DLG2: variants seen among roughly 807,000 people sequenced by gnomAD.
The protein encoded by DLG2 is disks large homolog 2.
Under a neutral mutation model 132.5 loss-of-function variants are expected in DLG2, and 45 were observed. The ratio of observed to expected loss-of-function variants is 0.34; its 90% CI spans 0.27 to 0.44. The LOEUF is 0.44. Ranked by LOEUF, DLG2 falls within the 20% of genes least tolerant of loss-of-function variation. DLG2 has a pLI of 1.00. For synonymous variants in DLG2, 424 were observed against 419.6 expected, an observed-to-expected ratio of 1.01 and a Z score of -0.13; for missense variants, 1,045 against 1,196.9, an observed-to-expected ratio of 0.87 and a Z score of 1.87.
At chr11:84,812,477 T>C (rs531653049) in intron 6 of DLG2, among the ~76,000 whole-genome samples, 7 of 152,270 alleles carry the variant, frequency 4.6e-5, no homozygotes, top group African/African-American at 1.4e-4. Context: ...ATGCACAGAT[T>C]GCACTGTTCA....
intron 6 of DLG2, among the ~76,000 whole-genome samples, chr11:84,989,507 T>C (rs1427068588): frequency 6.6e-6 from 1 of 152,142 alleles, no homozygotes; most frequent in Non-Finnish European, 1.5e-5. Flanking sequence ...AGGTATACCA[T>C]TCCATGGATT....
chr11:85,601,717 C>A (rs2080175558), intron 2 of DLG2, among the ~76,000 whole-genome samples: 1 of 152,176 alleles, frequency 6.6e-6, no homozygotes, highest in Non-Finnish European at 1.5e-5. Flanking sequence ...CTGACATGAG[C>A]CGTCTCCAGC....
At chr11:83,849,475 A>C (rs2059256425) in intron 16 of DLG2, among the ~76,000 whole-genome samples, 1 of 151,910 alleles carries the variant, frequency 6.6e-6, no homozygotes, top group South Asian at 2.1e-4. Flanking sequence ...CTAGAGGAAG[A>C]AATAAGACAT....
At chr11:85,502,802 GA>G (rs1310822950) in intron 3 of DLG2, among the ~76,000 whole-genome samples, 1 of 152,064 alleles carries the variant, frequency 6.6e-6, no homozygotes, top group Non-Finnish European at 1.5e-5. Flanking sequence ...ATGTATTCCA[GA>G]AGTTAAAGTA....
chr11:83,590,395 A>G (rs1236691099), intron 19 of DLG2, among the ~76,000 whole-genome samples: 23 of 152,166 alleles, frequency 1.5e-4, no homozygotes, highest in East Asian at 9.7e-4. Context: ...TGACTACTGG[A>G]TACATAACGA....
At chr11:84,549,785 G>C (rs751216826) in intron 6 of DLG2, among the ~76,000 whole-genome samples, 1 of 151,736 alleles carries the variant, frequency 6.6e-6, no homozygotes, top group African/African-American at 2.4e-5. Context: ...ATGGAGTCTC[G>C]CTCTGTCACC....
intron 12 of DLG2, among the ~76,000 whole-genome samples, chr11:83,974,460 G>T (rs1243307318): frequency 9.7e-4 from 5 of 5,138 alleles, no homozygotes; most frequent in Admixed American, 2.3e-3. Flanking sequence ...CTAGTTTTAG[G>T]TGTTTTGTTA....
intron 6 of DLG2, among the ~76,000 whole-genome samples, chr11:84,568,404 G>T (rs748989088): frequency 6.6e-6 from 1 of 152,202 alleles, no homozygotes; most frequent in Non-Finnish European, 1.5e-5. Flanking sequence ...CTACTTGGGA[G>T]GCTGAGGCAT....
chr11:85,325,376 G>A (rs2081389980), intron 3 of DLG2, among the ~76,000 whole-genome samples: 1 of 149,974 alleles, frequency 6.7e-6, no homozygotes, highest in Admixed American at 6.6e-5. Context: ...GTCCCTGTCT[G>A]ACAGCTTTGA....
chr11:84,642,245 A>G (rs940491374), intron 6 of DLG2, among the ~76,000 whole-genome samples: 2 of 151,334 alleles, frequency 1.3e-5, no homozygotes, highest in African/African-American at 4.9e-5. Context: ...ATGACTTTCA[A>G]ACTTAGAGTA....
chr11:84,588,916 T>G (rs2099536220), intron 6 of DLG2, among the ~76,000 whole-genome samples: 1 of 152,186 alleles, frequency 6.6e-6, no homozygotes. Context: ...CGCCCTGAAT[T>G]CTTTCTTGCC....
chr11:85,503,980 C>A (rs1025238586), intron 3 of DLG2, among the ~76,000 whole-genome samples: 3 of 152,080 alleles, frequency 2.0e-5, no homozygotes, highest in Non-Finnish European at 2.9e-5. Context: ...AGCATTTTGT[C>A]ATGTGTCTGT....
At chr11:84,486,964 G>C (rs1208370911) in intron 7 of DLG2, among the ~76,000 whole-genome samples, 2 of 152,084 alleles carry the variant, frequency 1.3e-5, no homozygotes, top group Non-Finnish European at 1.5e-5. Context: ...ACTCTGACCT[G>C]AGAAGGCCAA....
chr11:83,555,346 A>G (rs535956463), intron 19 of DLG2, among the ~76,000 whole-genome samples: 22 of 152,350 alleles, frequency 1.4e-4, no homozygotes, highest in African/African-American at 5.3e-4. Flanking sequence ...ATGTGAGATG[A>G]TCAGATTTAC....
intron 6 of DLG2, among the ~76,000 whole-genome samples, chr11:84,652,946 T>C (rs1042516313): frequency 1.3e-5 from 2 of 151,726 alleles, no homozygotes; most frequent in African/African-American, 4.8e-5. Flanking sequence ...TTTTTTTTTT[T>C]TTTTAGATGG....
chr11:84,757,478 C>T (rs1475894290), intron 6 of DLG2, among the ~76,000 whole-genome samples: 2 of 152,044 alleles, frequency 1.3e-5, no homozygotes, highest in African/African-American at 2.4e-5. Flanking sequence ...GACAGATAAT[C>T]GCTTAAGCCC....
intron 10 of DLG2, among the ~76,000 whole-genome samples, chr11:84,094,345 T>C (rs968742259): frequency 2.0e-5 from 3 of 152,162 alleles, no homozygotes; most frequent in African/African-American, 7.2e-5. Context: ...TCTTTATTAT[T>C]AGGATTATTA....
In DLG2 at chr11:84,445,789, G is replaced by A. The variant is rs561849181; in HGVS notation, c.519+88781C>T. 6.6e-5 allele frequency among the ~76,000 whole-genome samples: 10 copies of A among 151,782 alleles called. No individual in the cohort carries two copies. The South Asian group carries it at 1.3e-3, about 19-fold the overall frequency. Reference sequence around the variant, plus strand: ...AAATTAGCCGGGTGTGGTAGCGGGCGCCTGTAGTCCCAGCTGCTCGGGAGG... The same window carrying A: ...AAATTAGCCGGGTGTGGTAGCGGGCACCTGTAGTCCCAGCTGCTCGGGAGG... On this transcript the variant is annotated intron_variant, in intron 7 of 27. Transcript: ENST00000376104.
intron 8 of DLG2, among the ~76,000 whole-genome samples, chr11:84,178,046 C>G (rs2096017294): frequency 6.6e-6 from 1 of 151,952 alleles, no homozygotes; most frequent in Non-Finnish European, 1.5e-5. Context: ...ACTGTGAGAG[C>G]CTGTGTTATT....
Sources: allele counts gnomAD v4.1 joint callset (sites outside exome capture counted in the v4.1 genomes callset), GRCh38; gene constraint gnomAD v4.1.1; transcripts MANE v1.5; gene names NCBI Gene and HGNC (gene_info 2026-07-23, HGNC 2026-07-21).